Variants in NPIPB7 observed in about 807,000 individuals in gnomAD.
The protein encoded by NPIPB7 is nuclear pore complex interacting protein family member B7, also known as nuclear pore complex-interacting protein family member B7.
For missense variants in NPIPB7, 14 were observed against 238.5 expected, an observed-to-expected ratio of 0.06 and a Z score of 6.20; for synonymous variants, 9 against 88.1, an observed-to-expected ratio of 0.10 and a Z score of 5.03.
chr16:28,464,890 G>C (rs1460273459), intron 2 of NPIPB7, among the ~76,000 whole-genome samples: 1 of 149,548 alleles, frequency 6.7e-6, no homozygotes, highest in East Asian at 2.0e-4. Flanking sequence ...TTCGAGAGAA[G>C]CAATGGGTAA....
chr16:28,470,306 T>A, intron 1 of NPIPB7, 67 bp downstream of exon 1: 7 of 1,444,396 alleles, frequency 4.8e-6, no homozygotes, highest in Non-Finnish European at 6.4e-6. Context: ...CTGAGCTGTG[T>A]AATTTCATGC....
At chr16:28,469,634 G>A in intron 1 of NPIPB7, 1 of 278,150 alleles carries the variant, frequency 3.6e-6, no homozygotes, top group South Asian at 2.7e-5. Context: ...TGTAGATCTT[G>A]AAAGGGGGTC....
intron 1 of NPIPB7, among the ~76,000 whole-genome samples, chr16:28,468,806 CAAAAAAA>C (rs1032086551): frequency 5.7e-4 from 14 of 24,394 alleles, no homozygotes; most frequent in Admixed American, 1.8e-3. Context: ...GACTCTGTCT[CAAAAAAA>C]AAAAAAAAAA....
At chr16:28,470,749 C>A (rs1393046448), upstream of NPIPB7, among the ~76,000 whole-genome samples, 1 of 150,550 alleles carries the variant, frequency 6.6e-6, no homozygotes, top group Non-Finnish European at 1.5e-5. Context: ...GGGAAAGGAT[C>A]CGGTTCAAAT....
At chr16:28,468,419 A>C (rs1255892163) in intron 1 of NPIPB7, among the ~76,000 whole-genome samples, 2 of 149,566 alleles carry the variant, frequency 1.3e-5, no homozygotes, top group East Asian at 3.9e-4. Flanking sequence ...GATTATATGA[A>C]TCTTTGTCAT....
chr16:28,470,993 T>C, upstream of NPIPB7: 1 of 366,194 alleles, frequency 2.7e-6, no homozygotes, highest in Non-Finnish European at 4.9e-6. Flanking sequence ...CAATGGACAA[T>C]GCCAAGTAGC....
In NPIPB7 at chr16:28,463,432, CAA is replaced by C. The variant is rs1491251562; in HGVS notation, c.250-353_250-352del. ...ACACACACACACACACACACACACACAAGAATGACATGAGGCTGGCACGGTGG... is the reference window on the plus strand; with the variant it reads ...ACACACACACACACACACACACACACGAATGACATGAGGCTGGCACGGTGG... On this transcript the variant is annotated intron_variant, in intron 2 of 6. Transcript: ENST00000452313. 1.2e-4 allele frequency among the ~76,000 whole-genome samples: 13 copies of C among 109,510 alleles called. 1 individual carries two copies. In the South Asian group the frequency reaches 1.5e-3, roughly 13 times the overall value. 71.8% of individuals were successfully genotyped at this position (109,510 alleles called of 152,430 possible).
upstream of NPIPB7, among the ~76,000 whole-genome samples, chr16:28,471,874 G>A (rs1036154362): frequency 6.6e-6 from 1 of 152,096 alleles, no homozygotes; most frequent in Non-Finnish European, 1.5e-5. Context: ...TCTCAGGGAT[G>A]TCCAAGGAAT....
At chr16:28,469,920 C>G (rs1184496732) in intron 1 of NPIPB7, 2 of 279,012 alleles carry the variant, frequency 7.2e-6, no homozygotes, top group East Asian at 2.3e-4. Flanking sequence ...TGCAGTGAGC[C>G]GAGATCTTGC....
upstream of NPIPB7, among the ~76,000 whole-genome samples, chr16:28,471,914 C>T (rs888683222): frequency 6.6e-6 from 1 of 152,152 alleles, no homozygotes; most frequent in Non-Finnish European, 1.5e-5. Flanking sequence ...CCTGTAGTCC[C>T]AGATACTTGG....
At chr16:28,464,158 TGAAAA>T (rs2045890214) in intron 2 of NPIPB7, among the ~76,000 whole-genome samples, 1 of 139,956 alleles carries the variant, frequency 7.1e-6, no homozygotes, top group African/African-American at 2.7e-5. Flanking sequence ...TTTCACAACT[TGAAAA>T]GGAAGTAATT....
At chr16:28,461,894 G>C (rs1596611251) in intron 4 of NPIPB7, among the ~76,000 whole-genome samples, 1 of 136,584 alleles carries the variant, frequency 7.3e-6, no homozygotes, top group Middle Eastern at 4.2e-3. Flanking sequence ...GTTGCAGTGA[G>C]CCAAGATCAT....
chr16:28,468,479 C>A (rs1226287727), intron 1 of NPIPB7, among the ~76,000 whole-genome samples: 1 of 150,136 alleles, frequency 6.7e-6, no homozygotes, highest in Non-Finnish European at 1.5e-5. Flanking sequence ...GAGATTACTT[C>A]ATTCACAAAT....
chr16:28,462,065 C>T (rs1235367374), intron 4 of NPIPB7, among the ~76,000 whole-genome samples: 4 of 147,726 alleles, frequency 2.7e-5, no homozygotes, highest in Non-Finnish European at 4.5e-5. Flanking sequence ...TGCAGTGAGC[C>T]AAGATTGCAC....
intron 1 of NPIPB7, chr16:28,469,585 A>G (rs2045927593): frequency 4.3e-6 from 1 of 230,794 alleles, no homozygotes; most frequent in African/African-American, 2.4e-5. Context: ...GCAACAAGGG[A>G]GAAACTGTCT....
chr16:28,464,929 C>T (rs2045897312), intron 2 of NPIPB7, among the ~76,000 whole-genome samples: 1 of 143,750 alleles, frequency 7.0e-6, no homozygotes, highest in African/African-American at 2.6e-5. Context: ...GCAACCACGT[C>T]AATCCCACAG....
upstream of NPIPB7, among the ~76,000 whole-genome samples, chr16:28,472,016 C>G (rs1250363705): frequency 6.6e-6 from 1 of 151,888 alleles, no homozygotes; most frequent in Non-Finnish European, 1.5e-5. Flanking sequence ...AGCAACAGAG[C>G]GAGACTCCGT....
chr16:28,470,449 T>C (rs2045938398), exon 1 of NPIPB7: 1 of 1,590,078 alleles, frequency 6.3e-7, no homozygotes, highest in African/African-American at 1.4e-5. Context: ...GTCCTGATCC[T>C]TTCAGGGTGC....
At chr16:28,472,179 A>G (rs2045955861), upstream of NPIPB7, among the ~76,000 whole-genome samples, 2 of 152,212 alleles carry the variant, frequency 1.3e-5, no homozygotes, top group Non-Finnish European at 2.9e-5. Flanking sequence ...TCTGGAGGTC[A>G]AGGTGGGCAG....
Sources: allele counts gnomAD v4.1 joint callset (sites outside exome capture counted in the v4.1 genomes callset), GRCh38; gene constraint gnomAD v4.1.1; transcripts MANE v1.5; gene names NCBI Gene and HGNC (gene_info 2026-07-23, HGNC 2026-07-21).